The following SMG1 variants were observed in gnomAD, a reference collection of about 807,000 sequenced individuals.
The protein encoded by SMG1 is SMG1 nonsense mediated mRNA decay associated PI3K related kinase.
Under a neutral mutation model 419.9 loss-of-function variants are expected in SMG1, and 22 were observed. The ratio of observed to expected loss-of-function variants is 0.05; its 90% CI spans 0.04 to 0.07. The LOEUF (loss-of-function observed/expected upper bound fraction) is 0.07. Ranked by LOEUF, SMG1 falls within the 10% of genes least tolerant of loss-of-function variation. The probability of loss-of-function intolerance (pLI) is 1.00; values close to 1 mark genes in which losing one functional copy is unlikely to be tolerated. For missense variants in SMG1, 3,185 were observed against 4,342.0 expected (o/e 0.73, Z 7.49); for synonymous variants, 1,538 against 1,553.5 (o/e 0.99, Z 0.23).
At position 18,808,122 on chromosome 16, in the gene SMG1, C is replaced by A. The variant is rs1436718920; in HGVS notation, c.*1447G>T. ...GATACTTGATTTTAAGAACCCTATT[C>A]TAGTCTGGGTTTTTATTTTGGATCA... is the stretch of plus-strand genomic sequence containing the variant. On this transcript the variant is annotated 3_prime_UTR_variant, in exon 63 of 63. Transcript: ENST00000446231. The A allele has an allele frequency of 6.6e-6, 1 of 152,148 alleles. No individual in the cohort carries two copies. Among genetic ancestry groups the A allele is most frequent in the Non-Finnish European group, 1.5e-5 (1 of 68,012 alleles). The allele number at this position is 152,148 out of a possible 1,614,324, so 9.4% of individuals were successfully genotyped here.
Position 18,896,163 on chromosome 16 carries a change from G to A in SMG1, c.301C>T (p.Arg101Trp), listed in dbSNP as rs200471904. The A allele has an allele frequency of 2.3e-5, 36 of 1,561,008 alleles. No homozygotes were observed. The highest frequency in any genetic ancestry group is 5.6e-5 in the South Asian group (5 of 89,826). Reference protein sequence around the residue: ...NGGSGENTYGRKSLGQELRVN... With the variant: ...NGGSGENTYGWKSLGQELRVN... ...CTCAGCTCTTGCCCCAACGACTTCC[G>A]ACCATAAGTATTTTCCCCAGATCCT... The change falls in exon 3 of 63, where the codon CGG becomes TGG. Residue 101 changes from arginine to tryptophan, a missense_variant. This residue lies in a region of SMG1 where 42 missense variants were observed against 100.1 expected (regional missense o/e 0.42). Transcript: ENST00000446231.
chr16:18,907,295 C>T (rs1232903892), intron 1 of SMG1, among the ~76,000 whole-genome samples: 4 of 151,724 alleles, frequency 2.6e-5, no homozygotes, highest in Non-Finnish European at 2.9e-5. Flanking sequence ...AAAAAAAAAT[C>T]GTTTATGCCA....
intron 1 of SMG1, among the ~76,000 whole-genome samples, chr16:18,903,084 G>A (rs971920785): frequency 5.5e-4 from 84 of 152,182 alleles, no homozygotes; most frequent in African/African-American, 1.4e-3. Flanking sequence ...CTCAGCCTCC[G>A]AAAGGGTTGG....
intron 59 of SMG1, 64 bp downstream of exon 59, chr16:18,815,376 A>G: frequency 6.3e-7 from 1 of 1,581,960 alleles, no homozygotes. Context: ...ATCAAGAGAT[A>G]AACTTCTTAT....
chr16:18,836,678 C>T (rs2033595645), intron 46 of SMG1, 146 bp from the exon 47 acceptor site: 1 of 765,730 alleles, frequency 1.3e-6, no homozygotes. Flanking sequence ...CCTTACTTCT[C>T]TGTTTTTCCT....
intron 60 of SMG1, 130 bp downstream of exon 60, chr16:18,815,045 A>G: frequency 1.5e-6 from 1 of 659,846 alleles, no homozygotes; most frequent in South Asian, 2.0e-5. Context: ...ATAAGCTAAA[A>G]TCTGTTCAGT....
chr16:18,855,311 C>T (rs1299319856), intron 29 of SMG1, among the ~76,000 whole-genome samples: 3 of 152,204 alleles, frequency 2.0e-5, no homozygotes, highest in Admixed American at 2.0e-4. Context: ...TCTTTCTCTT[C>T]CATCACTCAT....
chr16:18,821,077 C>T (rs534185556), intron 55 of SMG1, among the ~76,000 whole-genome samples: 50 of 152,232 alleles, frequency 3.3e-4, no homozygotes, highest in African/African-American at 1.0e-3. Flanking sequence ...TTAGCTACTA[C>T]TAATAAACAA....
chr16:18,834,653 C>T (rs1205898858), intron 49 of SMG1, among the ~76,000 whole-genome samples: 3 of 152,112 alleles, frequency 2.0e-5, no homozygotes, highest in African/African-American at 7.2e-5. Flanking sequence ...TGGCACACAC[C>T]TGTAGTCCCA....
chr16:18,819,523 T>C lies in SMG1; in HGVS notation c.9873A>G (p.Lys3291=), dbSNP rs1301874404. 1.2e-6 allele frequency: 2 copies of C among 1,610,426 alleles called. No homozygotes were observed. Among genetic ancestry groups the C allele is most frequent in the East Asian group, 2.2e-5 (1 of 44,826 alleles). ...ATACCTGACTTGCTCTTTGGCTCTC[T>C]TTAAGGACAAGATTTCTTCTTTCAG... ...TIAERRNLVL[K]ESQRASQVTF... The change falls in exon 56 of 63, where the codon AAA becomes AAG. Residue 3291 remains lysine (K), a synonymous_variant. Coordinates refer to ENST00000446231, the MANE Select transcript of SMG1 (RefSeq NM_015092.5).
chr16:18,874,470 T>G (rs1285071270), intron 13 of SMG1, among the ~76,000 whole-genome samples: 1 of 151,436 alleles, frequency 6.6e-6, no homozygotes, highest in Non-Finnish European at 1.5e-5. Context: ...AAAAGAATGT[T>G]TTTCAACTCT....
rs2032063906 is a variant in SMG1, at chr16:18,817,060, G to A, written c.10074+231C>T. Among the ~76,000 whole-genome samples the A allele has an allele frequency of 2.3e-5, 3 of 132,340 alleles. No individual in the cohort carries two copies. In the South Asian group the frequency reaches 7.0e-4, roughly 31 times the overall value. 86.8% of individuals were successfully genotyped at this position (132,340 alleles called of 152,430 possible). A position where few individuals can be genotyped will look rare whatever the true frequency, so the allele number is the denominator to read the frequency against. Reference sequence around the variant, plus strand: ...TTCATAGTATTTTGGTTGTAGCTATGAGGATCCTTTACACTTCCTCATTTT... The same window carrying A: ...TTCATAGTATTTTGGTTGTAGCTATAAGGATCCTTTACACTTCCTCATTTT... On this transcript the variant is annotated intron_variant, in intron 57 of 62. Transcript: ENST00000446231.
At chr16:18,810,015 G>C (rs926649992) in intron 62 of SMG1, among the ~76,000 whole-genome samples, 2 of 151,500 alleles carry the variant, frequency 1.3e-5, no homozygotes, top group East Asian at 3.9e-4. Flanking sequence ...AAGAGTTCAA[G>C]TCTAGGTCCT....
intron 45 of SMG1, among the ~76,000 whole-genome samples, 189 bp downstream of exon 45, chr16:18,837,825 T>G (rs1304848097): frequency 6.6e-6 from 1 of 152,226 alleles, no homozygotes; most frequent in Non-Finnish European, 1.5e-5. Context: ...AATGTAACTG[T>G]GCATGTTTGT....
rs766737607 is a variant in SMG1, at chr16:18,892,336, G to C, written c.431C>G (p.Ser144Cys). 6 of 1,549,380 alleles carry C rather than the reference G, an allele frequency of 3.9e-6. No individual in the cohort carries two copies. Among genetic ancestry groups the C allele is most frequent in the South Asian group, 3.6e-5 (3 of 83,982 alleles). Residue 144 changes from serine to cysteine, a missense_variant, in exon 4 of 63, where the codon TCT becomes TGT. By Grantham distance (112) the Ser-to-Cys change is moderately radical. Coordinates refer to ENST00000446231, the MANE Select transcript of SMG1 (RefSeq NM_015092.5). ...RKSQERSMSY[S>C]DESRLSNLLR... ...AAGATTCGACAGTCGAGACTCATCAGAATAAGACATCGATCTCTCTGTGAA... is the reference window on the plus strand; with the variant it reads ...AAGATTCGACAGTCGAGACTCATCACAATAAGACATCGATCTCTCTGTGAA...
chr16:18,843,945 A>C (rs1284544951), intron 39 of SMG1, among the ~76,000 whole-genome samples: 1 of 152,112 alleles, frequency 6.6e-6, no homozygotes, highest in Non-Finnish European at 1.5e-5. Context: ...AGACACAGGT[A>C]TTCTTAATTT....
Position 18,925,990 on chromosome 16 carries a change from C to T in SMG1, c.52G>A (p.Gly18Ser), listed in dbSNP as rs1489871120. The T allele has an allele frequency of 1.3e-6, 2 of 1,506,132 alleles. No homozygotes were observed. The highest frequency in any genetic ancestry group is 2.5e-5 in the East Asian group (1 of 39,280). The allele number at this position is 1,506,132 out of a possible 1,614,324, so 93.3% of individuals were successfully genotyped here. A position where few individuals can be genotyped will look rare whatever the true frequency, so the allele number is the denominator to read the frequency against. ...SRLSSGGGGG[G>S]TKYPRSWNDW... Reference sequence around the variant, plus strand: ...TTCCAGCTCCGCGGATACTTGGTGCCGCCGCCGCCGCCGCCGCTGCTCAGC... The same window carrying T: ...TTCCAGCTCCGCGGATACTTGGTGCTGCCGCCGCCGCCGCCGCTGCTCAGC... The change falls in exon 1 of 63, where the codon GGC becomes AGC. Residue 18 changes from glycine to serine, a missense_variant. By Grantham distance (56) the Gly-to-Ser change is moderately conservative. Around this residue, in one of 27 missense-constraint regions of SMG1, gnomAD observed 88 missense variants for 85.9 expected, o/e 1.02. Coordinates refer to ENST00000446231, the MANE Select transcript of SMG1 (RefSeq NM_015092.5).
chr16:18,866,288 G>A (rs940316183), intron 23 of SMG1: 15 of 356,676 alleles, frequency 4.2e-5, no homozygotes, highest in Middle Eastern at 1.9e-3. Context: ...CAGGACTAAT[G>A]AGCAAATACT....
At chr16:18,869,434 T>G (rs1182342315) in intron 19 of SMG1, 131 bp from the exon 20 acceptor site, 2 of 725,506 alleles carry the variant, frequency 2.8e-6, no homozygotes, top group African/African-American at 3.6e-5. Context: ...CCTATGAAAT[T>G]GAGAAGCATT....
Sources: allele counts gnomAD v4.1 joint callset (sites outside exome capture counted in the v4.1 genomes callset), GRCh38; gene constraint gnomAD v4.1.1; regional missense constraint gnomAD v4.1.1; transcripts MANE v1.5; gene names NCBI Gene and HGNC (gene_info 2026-07-23, HGNC 2026-07-21).